Variants in C5orf15 observed in about 807,000 individuals in gnomAD.
C5orf15 encodes the protein chromosome 5 open reading frame 15.
In C5orf15, 10 loss-of-function variants were observed where a neutral mutation model predicts 17.8. The ratio of observed to expected loss-of-function variants is 0.56; its 90% CI spans 0.35 to 0.95. The LOEUF is 0.95. Among genes scored for constraint, C5orf15 ranks in the 40% least tolerant of loss-of-function variants. The pLI is 0.02. For synonymous variants in C5orf15, 124 were observed against 131.0 expected, an observed-to-expected ratio of 0.95 and a Z score of 0.36; for missense variants, 319 against 331.7, an observed-to-expected ratio of 0.96 and a Z score of 0.30.
intron 1 of C5orf15, among the ~76,000 whole-genome samples, chr5:133,966,092 C>T (rs1160051300): frequency 2.6e-5 from 4 of 151,740 alleles, no homozygotes; most frequent in African/African-American, 9.7e-5. Flanking sequence ...GTGTGGTGCG[C>T]GCCTGTAGTC....
intron 1 of C5orf15, among the ~76,000 whole-genome samples, chr5:133,960,858 C>T (rs944481248): frequency 2.0e-5 from 3 of 151,570 alleles, no homozygotes; most frequent in East Asian, 1.9e-4. Flanking sequence ...GAATCCCTGC[C>T]GAAATTTAAC....
chr5:133,968,292 C>T lies in C5orf15; in HGVS notation c.139+154G>A, dbSNP rs538142636. 3.9e-5 allele frequency among the ~76,000 whole-genome samples: 6 copies of T among 152,208 alleles called. No homozygotes were observed. The East Asian group carries it at 5.8e-4, about 15-fold the overall frequency. On this transcript the variant is annotated intron_variant, in intron 1 of 2. Coordinates refer to ENST00000231512, the MANE Select transcript of C5orf15 (RefSeq NM_020199.3). Reference sequence around the variant, plus strand: ...CCTTGGACCCCTTCAGACACCATACCCTCCGTCCTCAGGCCCGCGGAGACC... The same window carrying T: ...CCTTGGACCCCTTCAGACACCATACTCTCCGTCCTCAGGCCCGCGGAGACC...
At chr5:133,964,045 C>G (rs1343307956) in intron 1 of C5orf15, among the ~76,000 whole-genome samples, 1 of 152,064 alleles carries the variant, frequency 6.6e-6, no homozygotes, top group Non-Finnish European at 1.5e-5. Context: ...GGTGAAACCC[C>G]ATCTCTACCA....
intron 1 of C5orf15, among the ~76,000 whole-genome samples, chr5:133,961,860 TC>T (rs1205044713): frequency 6.6e-6 from 1 of 151,876 alleles, no homozygotes. Context: ...CACCTTGGCC[TC>T]CCAAAGTACT....
At chr5:133,958,227 T>C (rs1179573319) in intron 2 of C5orf15, among the ~76,000 whole-genome samples, 1 of 151,766 alleles carries the variant, frequency 6.6e-6, no homozygotes, top group African/African-American at 2.4e-5. Context: ...AAAAAAATAA[T>C]GTTTTTAAAG....
Position 133,956,997 on chromosome 5 carries a change from A to T in C5orf15, c.667-7T>A, listed in dbSNP as rs1425116616. 2 of 1,604,236 alleles carry T rather than the reference A, an allele frequency of 1.2e-6. No homozygotes were observed. Among genetic ancestry groups the T allele is most frequent in the African/African-American group, 2.7e-5 (2 of 74,456 alleles). On this transcript the variant is annotated splice_polypyrimidine_tract_variant and splice_region_variant and intron_variant, in intron 2 of 2. Coordinates refer to ENST00000231512, the MANE Select transcript of C5orf15 (RefSeq NM_020199.3). ...TTTGAACCAGAAGAAAAATCTGGAAAACAGAAGTCATTAAATAGGCAAAAG... is the reference window on the plus strand; with the variant it reads ...TTTGAACCAGAAGAAAAATCTGGAATACAGAAGTCATTAAATAGGCAAAAG...
intron 1 of C5orf15, chr5:133,967,574 A>G (rs533694349): frequency 9.3e-4 from 142 of 152,324 alleles, no homozygotes; most frequent in African/African-American, 3.1e-3. Flanking sequence ...TAATTTCTCA[A>G]TAAAAGCCTT....
In C5orf15 at chr5:133,959,732, A is replaced by G; in HGVS notation, c.428T>C (p.Leu143Pro). Residue 143 changes from leucine to proline, a missense_variant, in exon 2 of 3, where the codon CTA (leucine) becomes CCA (proline). By Grantham distance (98) the Leu-to-Pro change is moderately conservative. Coordinates refer to ENST00000231512, the MANE Select transcript of C5orf15 (RefSeq NM_020199.3). ...TGGTTCTCCATAATCGCCATTGTCT[A>G]GAGTGTCTTTGGCTGTGGATGGAGA... ...NSSPSTAKDT[L>P]DNGDYGEPDY... 2 of 1,614,064 alleles carry G rather than the reference A, an allele frequency of 1.2e-6. No homozygotes were observed. The highest frequency in any genetic ancestry group is 1.7e-6 in the Non-Finnish European group (2 of 1,179,992).
In C5orf15 at chr5:133,956,268, T is replaced by A. The variant is rs1411138974; in HGVS notation, c.*591A>T. On this transcript the variant is annotated 3_prime_UTR_variant, in exon 3 of 3. Coordinates refer to ENST00000231512, the MANE Select transcript of C5orf15 (RefSeq NM_020199.3). ...TCTATGTCCACTGCAAGCTGCAGAG[T>A]CTCTGTTGCCAAGATTTCTTGACAC... The A allele has an allele frequency of 6.6e-6, 1 of 152,602 alleles. No homozygotes were observed. The highest frequency in any genetic ancestry group is 1.5e-5 in the Non-Finnish European group (1 of 68,030). 9.5% of individuals were successfully genotyped at this position (152,602 alleles called of 1,614,324 possible).
rs145850041 is a variant in C5orf15, at chr5:133,959,639, C to A, written c.521G>T (p.Gly174Val). The A allele has an allele frequency of 1.9e-6, 3 of 1,613,526 alleles. No individual in the cohort carries two copies. Among genetic ancestry groups the A allele is most frequent in the Non-Finnish European group, 1.7e-6 (2 of 1,179,872 alleles). ...ESDDTLEENR[G>V]YMEIEQSVKS... ...CACTGACTGTTCAATTTCCATGTAA[C>A]CCCTGTTTTCTTCCAAGGTGTCATC... The change falls in exon 2 of 3, where the codon GGT becomes GTT. Residue 174 changes from glycine to valine, a missense_variant. Gly to Val is a moderately radical substitution (Grantham distance 109). Around this residue, in one of 3 missense-constraint regions of C5orf15, gnomAD observed 175 missense variants for 192.4 expected, o/e 0.91. Transcript: ENST00000231512.
In C5orf15 at chr5:133,968,618, G is replaced by A. The variant is rs1479456665; in HGVS notation, c.-34C>T. ...CGGCTGGGAGCCTGCGCTGTTGCTA[G>A]GCTCTACGCCATGAGGTCAGACGCC... On this transcript the variant is annotated 5_prime_UTR_variant, in exon 1 of 3. Coordinates refer to ENST00000231512, the MANE Select transcript of C5orf15 (RefSeq NM_020199.3). 1 of 1,580,594 alleles carries A rather than the reference G, an allele frequency of 6.3e-7. No homozygotes were observed. The highest frequency in any genetic ancestry group is 8.6e-7 in the Non-Finnish European group (1 of 1,162,736).
rs144405068 is a variant in C5orf15 at position 133,964,498 on chromosome 5, C to T, written c.139+3948G>A. Among the ~76,000 whole-genome samples, 498 of 152,150 alleles carry T rather than the reference C, an allele frequency of 3.3e-3. 2 individuals are homozygous for T. The highest frequency in any genetic ancestry group is 0.011 in the African/African-American group (455 of 41,494). Reference sequence around the variant, plus strand: ...GTAATGCCCCGTATTTTGACTGTACCAATGTTAATATCCTGGTCGTGATAT... The same window carrying T: ...GTAATGCCCCGTATTTTGACTGTACTAATGTTAATATCCTGGTCGTGATAT... On this transcript the variant is annotated intron_variant, in intron 1 of 2. Coordinates refer to ENST00000231512, the MANE Select transcript of C5orf15 (RefSeq NM_020199.3).
intron 2 of C5orf15, among the ~76,000 whole-genome samples, chr5:133,958,589 A>AAC (rs1752071402): frequency 7.1e-6 from 1 of 140,096 alleles, no homozygotes; most frequent in South Asian, 2.1e-4. Context: ...AAAAAAAAAA[A>AAC]AAAAAAAAAA....
At position 133,968,477 on chromosome 5, in the gene C5orf15, C is replaced by G. The variant is rs757347267; in HGVS notation, c.108G>C (p.Ala36=). The change falls in exon 1 of 3, where the codon GCG becomes GCC. Residue 36 remains alanine, a synonymous_variant. Transcript: ENST00000231512. ...ATAGAGCGGCGGACACAAGCAGGAGCGCCAAGACCAGCGGCCGCGCCAACC... is the reference window on the plus strand; with the variant it reads ...ATAGAGCGGCGGACACAAGCAGGAGGGCCAAGACCAGCGGCCGCGCCAACC... The part of the protein sequence containing the change: ...LVGLARPLVL[A]LLLVSAALSS... The G allele has an allele frequency of 3.1e-6, 5 of 1,604,620 alleles. No individual in the cohort carries two copies. Among genetic ancestry groups the G allele is most frequent in the South Asian group, 1.1e-5 (1 of 89,408 alleles).
chr5:133,967,633 A>G (rs1199362818), intron 1 of C5orf15, among the ~76,000 whole-genome samples: 1 of 152,222 alleles, frequency 6.6e-6, no homozygotes, highest in East Asian at 1.9e-4. Flanking sequence ...GAAATATTTT[A>G]TCAATCAAAT....
chr5:133,956,833 C>T lies in C5orf15; in HGVS notation c.*26G>A. On this transcript the variant is annotated 3_prime_UTR_variant, in exon 3 of 3. Transcript: ENST00000231512. ...ATAAAAAGTCAAGCAAATAAAATTA[C>T]ATAAGCAAATTCAAATCACAGTGCT... 1 of 1,567,008 alleles carries T rather than the reference C, an allele frequency of 6.4e-7. No individual in the cohort carries two copies. The highest frequency in any genetic ancestry group is 8.6e-7 in the Non-Finnish European group (1 of 1,162,186).
chr5:133,967,532 AC>A (rs1752214392), intron 1 of C5orf15: 1 of 152,252 alleles, frequency 6.6e-6, no homozygotes, highest in South Asian at 2.1e-4. Context: ...GATTTTTCCC[AC>A]CAAGTATCAG....
At chr5:133,960,269 C>T (rs1752104897) in intron 1 of C5orf15, among the ~76,000 whole-genome samples, 1 of 152,182 alleles carries the variant, frequency 6.6e-6, no homozygotes, top group Non-Finnish European at 1.5e-5. Context: ...CTGCATCATA[C>T]AGCCTGCCAC....
chr5:133,957,494 G>C (rs563274802), intron 2 of C5orf15, among the ~76,000 whole-genome samples: 1 of 152,176 alleles, frequency 6.6e-6, no homozygotes, highest in Non-Finnish European at 1.5e-5. Context: ...TTCAGAGACT[G>C]AGTTAGTACT....
Sources: allele counts gnomAD v4.1 joint callset (sites outside exome capture counted in the v4.1 genomes callset), GRCh38; gene constraint gnomAD v4.1.1; regional missense constraint gnomAD v4.1.1; transcripts MANE v1.5; gene names NCBI Gene and HGNC (gene_info 2026-07-23, HGNC 2026-07-21).